The following MBNL1 variants were observed in gnomAD, a reference collection of about 807,000 sequenced individuals.
The protein encoded by MBNL1 is muscleblind like splicing regulator 1.
A neutral mutation model predicts 42.2 loss-of-function variants in MBNL1; 8 were observed. That is an observed-to-expected ratio of 0.19 (90% CI 0.11 to 0.34). The LOEUF is 0.34. MBNL1 is among the 10% of genes least tolerant of loss of function. MBNL1 has a pLI of 1.00. For missense variants in MBNL1, 309 were observed against 495.3 expected, an observed-to-expected ratio of 0.62 and a Z score of 3.57; for synonymous variants, 169 against 173.9, an observed-to-expected ratio of 0.97 and a Z score of 0.22.
chr3:152,286,945 C>T (rs572692698), intron 1 of MBNL1, among the ~76,000 whole-genome samples: 1 of 152,186 alleles, frequency 6.6e-6, no homozygotes, highest in African/African-American at 2.4e-5. Flanking sequence ...GGTGGCCGGG[C>T]GTGGTGGCTC....
intron 2 of MBNL1, among the ~76,000 whole-genome samples, chr3:152,343,792 A>G (rs188729429): frequency 1.3e-4 from 20 of 152,308 alleles, no homozygotes; most frequent in Non-Finnish European, 1.6e-4. Flanking sequence ...AGCAGATGAC[A>G]TATTTAAAGA....
At chr3:152,432,002 A>G (rs532128004) in intron 3 of MBNL1, among the ~76,000 whole-genome samples, 124 of 152,334 alleles carry the variant, frequency 8.1e-4, no homozygotes, top group African/African-American at 2.9e-3. Flanking sequence ...TCCTTGACCA[A>G]TCATGTAGCA....
In MBNL1 at chr3:152,300,304, A is replaced by G; in HGVS notation, c.111A>G (p.Ala37=). Residue 37 remains alanine, a synonymous_variant, in exon 2 of 10, where the codon GCA becomes GCG. Transcript: ENST00000324210. ...CSRPDTECKF[A]HPSKSCQVEN... is the part of the protein sequence containing the mutation. ...GGCCAGACACGGAATGTAAATTTGC[A>G]CATCCTTCGAAAAGCTGCCAAGTTG... is the stretch of plus-strand genomic sequence containing the variant. The G allele has an allele frequency of 1.2e-6, 2 of 1,614,098 alleles. No individual in the cohort carries two copies. The highest frequency in any genetic ancestry group is 2.7e-5 in the African/African-American group (2 of 75,044).
intron 2 of MBNL1, among the ~76,000 whole-genome samples, chr3:152,253,802 A>G (rs2035035987): frequency 6.6e-6 from 1 of 152,080 alleles, no homozygotes; most frequent in Admixed American, 6.6e-5. Context: ...CATATCTCCT[A>G]ATAGATGCTT....
chr3:152,420,281 CCT>C (rs2098782166), intron 3 of MBNL1, among the ~76,000 whole-genome samples: 1 of 152,200 alleles, frequency 6.6e-6, no homozygotes, highest in South Asian at 2.1e-4. Context: ...GGACAGACTG[CCT>C]CCTCAAGTGG....
intron 2 of MBNL1, among the ~76,000 whole-genome samples, chr3:152,311,291 G>A (rs1270198054): frequency 3.9e-5 from 6 of 152,146 alleles, no homozygotes; most frequent in Admixed American, 3.9e-4. Flanking sequence ...ACAGGCGTGA[G>A]CCACTGCGCC....
intron 1 of MBNL1, among the ~76,000 whole-genome samples, chr3:152,283,183 A>G (rs552862472): frequency 1.3e-5 from 2 of 152,324 alleles, no homozygotes; most frequent in South Asian, 2.1e-4. Context: ...CAATGCAGCC[A>G]TCTTTCATTG....
intron 2 of MBNL1, among the ~76,000 whole-genome samples, chr3:152,413,568 T>C (rs2098638543): frequency 6.6e-6 from 1 of 152,178 alleles, no homozygotes; most frequent in African/African-American, 2.4e-5. Context: ...TGTAGAGACA[T>C]TCCTAAAAAC....
intron 2 of MBNL1, among the ~76,000 whole-genome samples, chr3:152,314,029 C>T (rs1343675130): frequency 6.6e-6 from 1 of 152,154 alleles, no homozygotes; most frequent in East Asian, 1.9e-4. Flanking sequence ...ATAATTCATA[C>T]TTGATATTTC....
chr3:152,398,731 A>T (rs935658623), intron 2 of MBNL1, among the ~76,000 whole-genome samples: 8 of 152,058 alleles, frequency 5.3e-5, no homozygotes, highest in African/African-American at 1.7e-4. Flanking sequence ...TGTCCTTTCC[A>T]CCCCATTCAG....
intron 3 of MBNL1, among the ~76,000 whole-genome samples, chr3:152,424,910 C>T (rs375002061): frequency 3.3e-5 from 5 of 151,996 alleles, no homozygotes; most frequent in African/African-American, 4.8e-5. Flanking sequence ...GCACCTTATA[C>T]GAAAATTAAG....
At chr3:152,353,142 C>T (rs1268769810) in intron 2 of MBNL1, among the ~76,000 whole-genome samples, 1 of 152,144 alleles carries the variant, frequency 6.6e-6, no homozygotes, top group Non-Finnish European at 1.5e-5. Context: ...CAAAAACACA[C>T]CTCAGTCTCA....
intron 1 of MBNL1, among the ~76,000 whole-genome samples, chr3:152,275,039 T>C (rs1404185451): frequency 6.6e-6 from 1 of 152,250 alleles, no homozygotes; most frequent in African/African-American, 2.4e-5. Flanking sequence ...GAAATTTCAA[T>C]CATATCCAAT....
chr3:152,415,315 G>T (rs1456960986), intron 3 of MBNL1, among the ~76,000 whole-genome samples: 3 of 152,136 alleles, frequency 2.0e-5, no homozygotes, highest in Non-Finnish European at 4.4e-5. Context: ...AAATCATGTG[G>T]ACATTTACAT....
At chr3:152,416,655 C>G (rs541847673) in intron 3 of MBNL1, among the ~76,000 whole-genome samples, 1 of 152,190 alleles carries the variant, frequency 6.6e-6, no homozygotes, top group Admixed American at 6.5e-5. Context: ...CTGGGAGCAC[C>G]TTTGAGATCA....
intron 6 of MBNL1, among the ~76,000 whole-genome samples, chr3:152,449,590 T>G (rs1478801740): frequency 6.6e-6 from 1 of 152,170 alleles, no homozygotes; most frequent in African/African-American, 2.4e-5. Flanking sequence ...TAGAATAGCT[T>G]TTTGTCTGTG....
chr3:152,386,255 A>G (rs1429494568), intron 2 of MBNL1, among the ~76,000 whole-genome samples: 1 of 152,062 alleles, frequency 6.6e-6, no homozygotes, highest in Admixed American at 6.6e-5. Flanking sequence ...TTTGGTTGAA[A>G]AAAAGGAACT....
In MBNL1 at chr3:152,294,013, A is replaced by T. The variant is rs2057389991; in HGVS notation, c.-789-5392A>T. On this transcript the variant is annotated intron_variant, in intron 1 of 9. Coordinates refer to ENST00000324210, the MANE Select transcript of MBNL1 (RefSeq NM_021038.5). Reference sequence around the variant, plus strand: ...TTGTTGAAAGAATAAGAATAATTTCATTCTTCTTTATCCTTTTCTCGGTTT... The same window carrying T: ...TTGTTGAAAGAATAAGAATAATTTCTTTCTTCTTTATCCTTTTCTCGGTTT... Among the ~76,000 whole-genome samples, 3 of 151,948 alleles carry T rather than the reference A, an allele frequency of 2.0e-5. No homozygotes were observed. In the South Asian group the frequency reaches 6.2e-4, roughly 32 times the overall value.
intron 2 of MBNL1, among the ~76,000 whole-genome samples, chr3:152,377,891 G>A (rs1404888476): frequency 6.6e-6 from 1 of 152,154 alleles, no homozygotes; most frequent in Non-Finnish European, 1.5e-5. Context: ...ATGAAATGGA[G>A]TATAACAAAA....
Sources: gnomAD v4.1 joint callset for allele counts (sites outside exome capture counted in the v4.1 genomes callset) on GRCh38, gnomAD v4.1.1 for gene constraint, MANE v1.5 for transcripts, NCBI Gene and HGNC (gene_info 2026-07-23, HGNC 2026-07-21) for gene names.